RIMS2: variants seen among roughly 807,000 people sequenced by gnomAD.
RIMS2 encodes the protein regulating synaptic membrane exocytosis protein 2.
RIMS2 carries 59 observed loss-of-function variants against 174.4 expected under a neutral mutation model. The ratio of observed to expected loss-of-function variants is 0.34; its 90% CI spans 0.27 to 0.42. RIMS2 has a LOEUF of 0.42. RIMS2 is among the 10% of genes least tolerant of loss of function. RIMS2 has a pLI of 1.00. For synonymous variants in RIMS2, 606 were observed against 572.5 expected (o/e 1.06, Z -0.84); for missense variants, 1,620 against 1,666.3 (o/e 0.97, Z 0.48).
chr8:103,738,727 C>A (rs1207187835), intron 2 of RIMS2, among the ~76,000 whole-genome samples: 3 of 152,134 alleles, frequency 2.0e-5, no homozygotes, highest in Non-Finnish European at 2.9e-5. Flanking sequence ...AGGGTATGAA[C>A]AGACACTTCT....
intron 1 of RIMS2, among the ~76,000 whole-genome samples, chr8:103,666,794 C>T (rs926478416): frequency 2.0e-5 from 3 of 152,038 alleles, no homozygotes; most frequent in African/African-American, 4.8e-5. Flanking sequence ...CAGGTTTTTA[C>T]GTAGGTGAGA....
intron 3 of RIMS2, among the ~76,000 whole-genome samples, chr8:103,879,599 CA>C (rs1190110673): frequency 6.6e-6 from 1 of 151,458 alleles, no homozygotes; most frequent in African/African-American, 2.4e-5. Flanking sequence ...ATCTTCCCCC[CA>C]ATCTTTTCAA....
At chr8:103,990,505 T>A (rs1462848855) in intron 17 of RIMS2, among the ~76,000 whole-genome samples, 1 of 152,066 alleles carries the variant, frequency 6.6e-6, no homozygotes, top group Non-Finnish European at 1.5e-5. Flanking sequence ...CTTAACTTTT[T>A]CATAGTAATC....
At chr8:103,969,164 A>G (rs1395833653) in intron 15 of RIMS2, among the ~76,000 whole-genome samples, 3 of 150,990 alleles carry the variant, frequency 2.0e-5, no homozygotes, top group Admixed American at 1.3e-4. Context: ...CTTTGTTGTT[A>G]TTATTTTGCA....
At chr8:104,126,303 C>A (rs2098429076) in intron 19 of RIMS2, among the ~76,000 whole-genome samples, 2 of 152,150 alleles carry the variant, frequency 1.3e-5, no homozygotes, top group South Asian at 4.1e-4. Flanking sequence ...GGTTCTCTTA[C>A]CTTTTTTGCA....
chr8:103,847,006 T>C (rs997261834), intron 3 of RIMS2, among the ~76,000 whole-genome samples: 2 of 152,126 alleles, frequency 1.3e-5, no homozygotes, highest in African/African-American at 4.8e-5. Flanking sequence ...ACAGATGTGT[T>C]ACTTGCTCAC....
intron 19 of RIMS2, among the ~76,000 whole-genome samples, chr8:104,072,672 T>C (rs116396819): frequency 1.7e-3 from 254 of 152,298 alleles, no homozygotes; most frequent in African/African-American, 5.6e-3. Flanking sequence ...TTAAAAACTG[T>C]ACAGTTCACA....
At chr8:103,735,209 AG>A (rs1316799817) in intron 2 of RIMS2, among the ~76,000 whole-genome samples, 1 of 152,146 alleles carries the variant, frequency 6.6e-6, no homozygotes, top group Non-Finnish European at 1.5e-5. Flanking sequence ...TTTTTAGTTC[AG>A]TAAATTTCTT....
chr8:103,763,773 T>C (rs1249449533), intron 2 of RIMS2, among the ~76,000 whole-genome samples: 2 of 152,206 alleles, frequency 1.3e-5, no homozygotes, highest in Non-Finnish European at 2.9e-5. Context: ...AAGCTGATAG[T>C]GTTTCCAATT....
intron 19 of RIMS2, among the ~76,000 whole-genome samples, chr8:104,141,310 T>C (rs1473852916): frequency 6.6e-6 from 1 of 152,190 alleles, no homozygotes; most frequent in African/African-American, 2.4e-5. Context: ...GTAGAGAATT[T>C]ATAAATTCAA....
chr8:103,521,368 A>G (rs1185291603), intron 1 of RIMS2, among the ~76,000 whole-genome samples: 1 of 152,078 alleles, frequency 6.6e-6, no homozygotes, highest in African/African-American at 2.4e-5. Flanking sequence ...GTTCATTTTT[A>G]TATCTTCCTC....
chr8:104,180,020 A>G (rs2098930948), intron 19 of RIMS2, among the ~76,000 whole-genome samples: 1 of 151,784 alleles, frequency 6.6e-6, no homozygotes, highest in Non-Finnish European at 1.5e-5. Flanking sequence ...GAGTCTTTAC[A>G]TGTCAGTACA....
At chr8:103,554,088 C>G (rs1849314032) in intron 1 of RIMS2, among the ~76,000 whole-genome samples, 1 of 152,054 alleles carries the variant, frequency 6.6e-6, no homozygotes, top group African/African-American at 2.4e-5. Context: ...ACCTGAAACT[C>G]TAAATATCCT....
At chr8:103,615,082 G>T (rs370580816) in intron 1 of RIMS2, among the ~76,000 whole-genome samples, 1 of 152,000 alleles carries the variant, frequency 6.6e-6, no homozygotes, top group African/African-American at 2.4e-5. Flanking sequence ...GCATAATAAA[G>T]ATCTTTTTAA....
chr8:103,530,818 T>G (rs1836698244), intron 1 of RIMS2, among the ~76,000 whole-genome samples: 1 of 151,922 alleles, frequency 6.6e-6, no homozygotes, highest in African/African-American at 2.4e-5. Context: ...AGATCTATGG[T>G]GTTAGAAATC....
At chr8:104,069,535 C>A (rs2097161958) in intron 19 of RIMS2, among the ~76,000 whole-genome samples, 1 of 126,216 alleles carries the variant, frequency 7.9e-6, no homozygotes, top group Non-Finnish European at 1.6e-5. Context: ...GTGGTGCAAT[C>A]TTGGCTCACT....
At chr8:103,671,810 G>A (rs931730103) in intron 1 of RIMS2, among the ~76,000 whole-genome samples, 1 of 152,044 alleles carries the variant, frequency 6.6e-6, no homozygotes, top group Admixed American at 6.6e-5. Context: ...ATACAATTTT[G>A]GAACATATAT....
intron 2 of RIMS2, among the ~76,000 whole-genome samples, chr8:103,704,772 A>T (rs1423814512): frequency 6.6e-6 from 1 of 152,014 alleles, no homozygotes; most frequent in African/African-American, 2.4e-5. Context: ...TGTTCACAGT[A>T]GTCTCTAATG....
intron 1 of RIMS2, among the ~76,000 whole-genome samples, chr8:103,634,036 T>C (rs2135321907): frequency 6.6e-6 from 1 of 152,328 alleles, no homozygotes; most frequent in East Asian, 1.9e-4. Context: ...GCTCCGATTT[T>C]TGTTATTTCT....
Sources: allele counts gnomAD v4.1 joint callset (sites outside exome capture counted in the v4.1 genomes callset), GRCh38; gene constraint gnomAD v4.1.1; transcripts MANE v1.5; gene names NCBI Gene and HGNC (gene_info 2026-07-23, HGNC 2026-07-21).